The following ATP6V1C2 variants were observed in gnomAD, a reference collection of about 807,000 sequenced individuals.
ATP6V1C2 encodes ATPase H+ transporting V1 subunit C2.
In ATP6V1C2, 45 loss-of-function variants were observed where a neutral mutation model predicts 56.8. The ratio of observed to expected loss-of-function variants is 0.79; its 90% CI spans 0.62 to 1.02. The LOEUF (loss-of-function observed/expected upper bound fraction) is 1.02. ATP6V1C2 is among the 50% of genes least tolerant of loss of function. The probability of loss-of-function intolerance (pLI) is 0.00; values close to 1 mark genes in which losing one functional copy is unlikely to be tolerated. For synonymous variants in ATP6V1C2, 220 were observed against 201.3 expected, an observed-to-expected ratio of 1.09 and a Z score of -0.79; for missense variants, 463 against 519.7, an observed-to-expected ratio of 0.89 and a Z score of 1.06.
intron 1 of ATP6V1C2, among the ~76,000 whole-genome samples, chr2:10,722,384 C>A (rs1325904482): frequency 5.9e-5 from 9 of 152,116 alleles, no homozygotes; most frequent in African/African-American, 1.4e-4. Flanking sequence ...GTTTGACCTG[C>A]GGTTTGACCT....
At chr2:10,764,063 A>G (rs1664082099) in intron 4 of ATP6V1C2, among the ~76,000 whole-genome samples, 1 of 152,240 alleles carries the variant, frequency 6.6e-6, no homozygotes, top group Admixed American at 6.5e-5. Flanking sequence ...CACACAGTCC[A>G]GTATTTTGCT....
chr2:10,754,797 C>T (rs1663437093), intron 4 of ATP6V1C2, among the ~76,000 whole-genome samples: 1 of 151,654 alleles, frequency 6.6e-6, no homozygotes, highest in Non-Finnish European at 1.5e-5. Context: ...CCAGGATGGT[C>T]TTGATCTCCT....
intron 4 of ATP6V1C2, among the ~76,000 whole-genome samples, chr2:10,757,003 CTTTTTT>C (rs57191070): frequency 8.0e-4 from 65 of 81,558 alleles, no homozygotes; most frequent in East Asian, 1.3e-3. Context: ...CATGAGGAGA[CTTTTTT>C]TTTTTTTTTT....
At chr2:10,753,703 G>T (rs904399750) in intron 3 of ATP6V1C2, among the ~76,000 whole-genome samples, 1 of 151,854 alleles carries the variant, frequency 6.6e-6, no homozygotes, top group Non-Finnish European at 1.5e-5. Flanking sequence ...GCTAATTTTT[G>T]TATTTTTAGT....
At chr2:10,778,406 C>T (rs1180267740) in intron 11 of ATP6V1C2, 166 bp from the exon 12 acceptor site, 15 of 635,290 alleles carry the variant, frequency 2.4e-5, no homozygotes, top group East Asian at 2.8e-5. Context: ...CCCTGGACCT[C>T]GAGGTCCTGA....
At chr2:10,728,807 G>A (rs988864660) in intron 3 of ATP6V1C2, among the ~76,000 whole-genome samples, 3 of 149,270 alleles carry the variant, frequency 2.0e-5, no homozygotes, top group African/African-American at 7.4e-5. Flanking sequence ...GTATGAGGAT[G>A]TCGTGGAGTC....
chr2:10,757,093 A>C (rs1663604634), intron 4 of ATP6V1C2, among the ~76,000 whole-genome samples: 1 of 135,984 alleles, frequency 7.4e-6, no homozygotes, highest in Non-Finnish European at 1.5e-5. Flanking sequence ...GCTCACCGCA[A>C]CCTCTGCCTA....
chr2:10,779,639 T>C (rs1387916295), intron 12 of ATP6V1C2, among the ~76,000 whole-genome samples: 1 of 136,632 alleles, frequency 7.3e-6, no homozygotes, highest in East Asian at 2.2e-4. Context: ...TGAGCCGAGA[T>C]CGCGTCACTG....
intron 10 of ATP6V1C2, among the ~76,000 whole-genome samples, chr2:10,775,920 T>C (rs1453204120): frequency 6.6e-6 from 1 of 151,954 alleles, no homozygotes; most frequent in East Asian, 1.9e-4. Context: ...CTTGAGGCCT[T>C]TGGGGGAAAG....
intron 3 of ATP6V1C2, among the ~76,000 whole-genome samples, chr2:10,728,774 C>CCAA (rs1553323485): frequency 4.0e-5 from 3 of 74,268 alleles, no homozygotes; most frequent in African/African-American, 1.4e-4. Flanking sequence ...CACCCTGTCT[C>CCAA]AAAAAAAAAA....
At chr2:10,779,251 C>T (rs1203694844) in intron 12 of ATP6V1C2, among the ~76,000 whole-genome samples, 1 of 151,378 alleles carries the variant, frequency 6.6e-6, no homozygotes, top group Non-Finnish European at 1.5e-5. Context: ...ATGACAGGTG[C>T]CCGCCACCAC....
chr2:10,775,171 C>A, intron 10 of ATP6V1C2, 100 bp downstream of exon 10: 1 of 901,748 alleles, frequency 1.1e-6, no homozygotes, highest in Non-Finnish European at 1.8e-6. Context: ...CTCTCATTGT[C>A]CCCAGGCTCC....
At chr2:10,731,534 A>G (rs1661952341) in intron 3 of ATP6V1C2, among the ~76,000 whole-genome samples, 1 of 152,196 alleles carries the variant, frequency 6.6e-6, no homozygotes, top group Admixed American at 6.5e-5. Flanking sequence ...TCACATAATC[A>G]AATAATGCTA....
At chr2:10,725,241 C>G (rs1319263924) in intron 2 of ATP6V1C2, among the ~76,000 whole-genome samples, 1 of 151,678 alleles carries the variant, frequency 6.6e-6, no homozygotes, top group Non-Finnish European at 1.5e-5. Flanking sequence ...TGACCAAACC[C>G]CATCTCTACT....
chr2:10,764,366 G>A lies in ATP6V1C2; in HGVS notation c.319G>A (p.Asp107Asn), dbSNP rs1258902732. ...ATCCTTTGTGACCCACTTTGAATGG[G>A]ACATGGCCAAATATCCTGTCAAGCA... ...LTSFVTHFEW[D>N]MAKYPVKQPL... Residue 107 changes from aspartate (D) to asparagine (N), a missense_variant, in exon 5 of 14, where the codon GAC becomes AAC. Physicochemically the swap from Asp to Asn is conservative, Grantham distance 23. Transcript: ENST00000272238. The A allele has an allele frequency of 6.2e-7, 1 of 1,614,092 alleles. No individual in the cohort carries two copies. Among genetic ancestry groups the A allele is most frequent in the African/African-American group, 1.3e-5 (1 of 75,058 alleles).
At chr2:10,742,691 C>T (rs1489405881) in intron 3 of ATP6V1C2, among the ~76,000 whole-genome samples, 1 of 152,146 alleles carries the variant, frequency 6.6e-6, no homozygotes, top group African/African-American at 2.4e-5. Flanking sequence ...GGGATAGAAG[C>T]CCTTCAGCCA....
chr2:10,734,352 C>T (rs1199631530), intron 3 of ATP6V1C2, among the ~76,000 whole-genome samples: 3 of 152,180 alleles, frequency 2.0e-5, no homozygotes, highest in Admixed American at 6.5e-5. Context: ...CTAACACACC[C>T]GGTGCTCCCC....
At chr2:10,745,881 T>C (rs556964643) in intron 3 of ATP6V1C2, among the ~76,000 whole-genome samples, 1 of 152,344 alleles carries the variant, frequency 6.6e-6, no homozygotes, top group Admixed American at 6.5e-5. Flanking sequence ...GTTTGACCTT[T>C]TCTGCCTGGC....
chr2:10,748,165 G>A (rs922864122), intron 3 of ATP6V1C2, among the ~76,000 whole-genome samples: 4 of 152,172 alleles, frequency 2.6e-5, no homozygotes, highest in African/African-American at 9.7e-5. Context: ...CAAAGTGCTG[G>A]GATTACAGGT....
Sources: gnomAD v4.1 joint callset for allele counts (sites outside exome capture counted in the v4.1 genomes callset) on GRCh38, gnomAD v4.1.1 for gene constraint, MANE v1.5 for transcripts, NCBI Gene and HGNC (gene_info 2026-07-23, HGNC 2026-07-21) for gene names.